NAV2: variants seen among roughly 807,000 people sequenced by gnomAD.
NAV2 encodes the protein neuron navigator 2.
NAV2 carries 54 observed loss-of-function variants against 223.2 expected under a neutral mutation model. The ratio of observed to expected loss-of-function variants is 0.24; its 90% CI spans 0.19 to 0.30. The LOEUF is 0.30. Ranked by LOEUF, NAV2 falls within the 10% of genes least tolerant of loss-of-function variation. The pLI, the probability that NAV2 is intolerant of heterozygous loss-of-function variation, is 1.00. For synonymous variants in NAV2, 1,279 were observed against 1,239.3 expected (o/e 1.03, Z -0.67); for missense variants, 2,806 against 3,147.5 (o/e 0.89, Z 2.60).
At chr11:19,598,594 A>G (rs953539383) in intron 1 of NAV2, among the ~76,000 whole-genome samples, 24 of 152,088 alleles carry the variant, frequency 1.6e-4, no homozygotes, top group African/African-American at 4.3e-4. Context: ...ACCTCAGACA[A>G]TGCTCTGAGG....
chr11:19,449,941 G>A (rs912381641), intron 1 of NAV2, among the ~76,000 whole-genome samples: 4 of 150,444 alleles, frequency 2.7e-5, no homozygotes, highest in African/African-American at 9.8e-5. Flanking sequence ...CCATAGCAAA[G>A]GGCAGCAAAG....
chr11:19,460,271 G>T lies in NAV2; in HGVS notation c.75+109244G>T, dbSNP rs557204484. Among the ~76,000 whole-genome samples the T allele has an allele frequency of 4.9e-4, 75 of 152,274 alleles. 1 individual carries two copies. The South Asian group carries it at 0.015, about 30-fold the overall frequency. ...AGCTGCTGACTTAGAAAGAATGTGG[G>T]GTTGGGCTTTGAAGTCAGAGATCTG... is the stretch of plus-strand genomic sequence containing the variant. On this transcript the variant is annotated intron_variant, in intron 1 of 37. Transcript: ENST00000360655.
intron 4 of NAV2, 61 bp downstream of exon 4, chr11:19,869,058 T>A: frequency 6.8e-7 from 1 of 1,470,722 alleles, no homozygotes; most frequent in African/African-American, 1.4e-5. Context: ...CACCTGTTAC[T>A]TATGAATGAT....
chr11:19,702,779 A>AAATAAT (rs199504956), intron 1 of NAV2, among the ~76,000 whole-genome samples: 3 of 79,302 alleles, frequency 3.8e-5, no homozygotes, highest in African/African-American at 1.1e-4. Flanking sequence ...CCCTGTCTCA[A>AAATAAT]AATAATAATA....
chr11:20,034,847 G>A (rs1000422767), intron 11 of NAV2, among the ~76,000 whole-genome samples: 2 of 152,178 alleles, frequency 1.3e-5, no homozygotes, highest in Non-Finnish European at 1.5e-5. Context: ...AAAGATGAGA[G>A]GAGGCAGGGG....
intron 1 of NAV2, among the ~76,000 whole-genome samples, chr11:19,756,828 C>T (rs2054269702): frequency 6.6e-6 from 1 of 152,202 alleles, no homozygotes; most frequent in South Asian, 2.1e-4. Context: ...TTTCCCGTTA[C>T]TTCATTTGCA....
intron 3 of NAV2, among the ~76,000 whole-genome samples, chr11:19,851,985 G>A (rs1003541435): frequency 4.6e-5 from 7 of 152,232 alleles, no homozygotes; most frequent in African/African-American, 1.4e-4. Context: ...AGGCTTTGAA[G>A]GTGGAAGAAG....
intron 11 of NAV2, among the ~76,000 whole-genome samples, chr11:20,035,554 C>T (rs1169771036): frequency 1.3e-5 from 2 of 152,132 alleles, no homozygotes; most frequent in Admixed American, 1.3e-4. Context: ...CCCTCTGACC[C>T]GACAGGTGCC....
chr11:19,672,147 C>G (rs1209315942), intron 1 of NAV2, among the ~76,000 whole-genome samples: 1 of 152,222 alleles, frequency 6.6e-6, no homozygotes, highest in African/African-American at 2.4e-5. Flanking sequence ...AGCACTACAT[C>G]TCCTGGGAAC....
At chr11:19,974,494 A>T (rs2049531575) in intron 10 of NAV2, among the ~76,000 whole-genome samples, 1 of 152,230 alleles carries the variant, frequency 6.6e-6, no homozygotes. Context: ...AATACAAAAT[A>T]TTAATAATAG....
At chr11:19,678,618 G>A (rs181601593) in intron 1 of NAV2, among the ~76,000 whole-genome samples, 57 of 152,344 alleles carry the variant, frequency 3.7e-4, no homozygotes, top group African/African-American at 1.3e-3. Context: ...CCGCAGATGG[G>A]AAGGCAGCAG....
At chr11:19,893,514 C>G (rs1052936124) in intron 6 of NAV2, among the ~76,000 whole-genome samples, 27 of 152,138 alleles carry the variant, frequency 1.8e-4, no homozygotes, top group African/African-American at 6.5e-4. Flanking sequence ...ATGGGCAGCC[C>G]TCCTACTGTG....
At chr11:19,585,751 T>G (rs1001109762) in intron 1 of NAV2, among the ~76,000 whole-genome samples, 1 of 152,250 alleles carries the variant, frequency 6.6e-6, no homozygotes, top group Non-Finnish European at 1.5e-5. Context: ...AGAGATCCGC[T>G]GTTAGTCTGA....
chr11:19,417,567 C>T (rs980171292), intron 1 of NAV2, among the ~76,000 whole-genome samples: 3 of 152,180 alleles, frequency 2.0e-5, no homozygotes, highest in African/African-American at 4.8e-5. Context: ...ACAAGAAATA[C>T]CATCTGATCC....
chr11:19,628,217 G>T lies in NAV2; in HGVS notation c.76-204267G>T, dbSNP rs573472678. 5.9e-5 allele frequency among the ~76,000 whole-genome samples: 9 copies of T among 152,318 alleles called. No individual in the cohort carries two copies. In the East Asian group the frequency reaches 1.7e-3, roughly 29 times the overall value. On this transcript the variant is annotated intron_variant, in intron 1 of 37. Transcript: ENST00000360655. ...GGCAGCAGAGGAGTTGGACTTGTCC[G>T]GTGGGAGAGGAGCCAGTGGACATTA...
intron 12 of NAV2, 165 bp from the exon 13 acceptor site, chr11:20,043,816 C>T (rs547334975): frequency 1.8e-6 from 1 of 547,868 alleles, no homozygotes; most frequent in East Asian, 2.9e-5. Context: ...AAAAAAAAAT[C>T]AGTCTTTCTA....
At chr11:19,493,843 A>G (rs1011311354) in intron 1 of NAV2, among the ~76,000 whole-genome samples, 3 of 152,238 alleles carry the variant, frequency 2.0e-5, no homozygotes, top group East Asian at 1.9e-4. Context: ...TCAATTCTCT[A>G]TTTGCAGTAA....
chr11:19,884,340 C>A, intron 5 of NAV2: 1 of 1,614,056 alleles, frequency 6.2e-7, no homozygotes, highest in African/African-American at 1.3e-5. Flanking sequence ...CCGCTTCACT[C>A]TGGGTCAGAA....
intron 1 of NAV2, among the ~76,000 whole-genome samples, chr11:19,385,870 T>A (rs984899809): frequency 6.6e-6 from 1 of 150,844 alleles, no homozygotes; most frequent in Admixed American, 6.6e-5. Flanking sequence ...CACGCCAGTC[T>A]CCTGCCTCAG....
Sources: gnomAD v4.1 joint callset for allele counts (sites outside exome capture counted in the v4.1 genomes callset) on GRCh38, gnomAD v4.1.1 for gene constraint, MANE v1.5 for transcripts, NCBI Gene and HGNC (gene_info 2026-07-23, HGNC 2026-07-21) for gene names.